Variants in BTBD8 observed in about 807,000 individuals in gnomAD.
BTBD8 encodes the protein BTB domain containing 8.
A neutral mutation model predicts 162.9 loss-of-function variants in BTBD8; 110 were observed. The ratio of observed to expected loss-of-function variants is 0.68; its 90% CI spans 0.58 to 0.79. BTBD8 has a LOEUF of 0.79. BTBD8 is among the 30% of genes least tolerant of loss of function. The pLI, the probability that BTBD8 is intolerant of heterozygous loss-of-function variation, is 0.00. For synonymous variants in BTBD8, 667 were observed against 716.1 expected, an observed-to-expected ratio of 0.93 and a Z score of 1.10; for missense variants, 1,905 against 2,085.4, an observed-to-expected ratio of 0.91 and a Z score of 1.68.
At chr1:92,166,356 C>T (rs556538248) in intron 9 of BTBD8, among the ~76,000 whole-genome samples, 2 of 151,606 alleles carry the variant, frequency 1.3e-5, no homozygotes, top group Admixed American at 1.3e-4. Context: ...TCTTAGGGAA[C>T]TCAAATTTTT....
chr1:92,106,955 C>G (rs577355639), intron 3 of BTBD8, among the ~76,000 whole-genome samples: 1 of 151,838 alleles, frequency 6.6e-6, no homozygotes, highest in East Asian at 2.0e-4. Context: ...ACACCTGTAG[C>G]CCCAGGTACT....
intron 10 of BTBD8, among the ~76,000 whole-genome samples, chr1:92,167,397 C>T (rs1231087321): frequency 1.3e-5 from 2 of 152,208 alleles, no homozygotes. Flanking sequence ...CTAGCCCTCC[C>T]TCAGCAAGCC....
intron 2 of BTBD8, among the ~76,000 whole-genome samples, chr1:92,098,413 A>G (rs532531202): frequency 6.6e-6 from 1 of 152,332 alleles, no homozygotes; most frequent in East Asian, 1.9e-4. Context: ...TTGTGGGAAC[A>G]TACATTTTCA....
chr1:92,107,072 C>CT (rs1648753079), intron 3 of BTBD8, among the ~76,000 whole-genome samples: 1 of 151,982 alleles, frequency 6.6e-6, no homozygotes, highest in Non-Finnish European at 1.5e-5. Context: ...GAGCAAGACT[C>CT]TGTCTCTAAA....
intron 3 of BTBD8, among the ~76,000 whole-genome samples, chr1:92,103,298 A>G (rs944929576): frequency 6.6e-6 from 1 of 152,216 alleles, no homozygotes; most frequent in Non-Finnish European, 1.5e-5. Context: ...TACTTACGTG[A>G]TTTATCCTGG....
rs1247112725 is a variant in BTBD8, at chr1:92,148,083, C to G, written c.1122+297C>G. Among the ~76,000 whole-genome samples, 34 of 152,050 alleles carry G rather than the reference C, an allele frequency of 2.2e-4. 1 individual carries two copies. Among genetic ancestry groups the G allele is most frequent in the Admixed American group, 2.2e-3 (34 of 15,256 alleles). Reference sequence around the variant, plus strand: ...TATGCGTTGGCTCAGCAGTATTGACCCACTCACCCAGGTGGATCTGGGTAC... The same window carrying G: ...TATGCGTTGGCTCAGCAGTATTGACGCACTCACCCAGGTGGATCTGGGTAC... On this transcript the variant is annotated intron_variant, in intron 9 of 17. Coordinates refer to ENST00000636805, the MANE Select transcript of BTBD8 (RefSeq NM_001376131.1).
chr1:92,125,521 T>G, intron 4 of BTBD8: 1 of 311,976 alleles, frequency 3.2e-6, no homozygotes, highest in Non-Finnish European at 6.3e-6. Context: ...AAGCAGGCAC[T>G]TGTACAGAAT....
intron 3 of BTBD8, among the ~76,000 whole-genome samples, chr1:92,105,775 C>G (rs1382149141): frequency 6.6e-6 from 1 of 152,222 alleles, no homozygotes; most frequent in African/African-American, 2.4e-5. Context: ...AGAAGAGGTT[C>G]AGAGAACTCT....
At chr1:92,115,173 G>T in intron 4 of BTBD8, 1 of 533,680 alleles carries the variant, frequency 1.9e-6, no homozygotes, top group East Asian at 4.8e-5. Context: ...GGCAGCACCA[G>T]TAGATAGATG....
intron 4 of BTBD8, chr1:92,115,317 G>T: frequency 2.2e-6 from 1 of 455,802 alleles, no homozygotes; most frequent in Non-Finnish European, 4.2e-6. Flanking sequence ...AGTTGTTATG[G>T]ATGATCTTGA....
intron 12 of BTBD8, among the ~76,000 whole-genome samples, chr1:92,169,543 C>T (rs780024699): frequency 3.3e-5 from 5 of 152,084 alleles, no homozygotes; most frequent in Non-Finnish European, 4.4e-5. Flanking sequence ...TAGCATTAAA[C>T]AAAAGATGTA....
At chr1:92,093,012 T>C (rs2101896162) in intron 2 of BTBD8, among the ~76,000 whole-genome samples, 1 of 152,240 alleles carries the variant, frequency 6.6e-6, no homozygotes, top group East Asian at 1.9e-4. Flanking sequence ...TTCTGTTTCA[T>C]GTGTGAAGCT....
rs1358676055 is a variant in BTBD8, at chr1:92,181,355, T to C, written c.3672T>C (p.His1224=). The change falls in exon 17 of 18, where the codon CAT becomes CAC. Residue 1224 remains histidine (H), a synonymous_variant. Coordinates refer to ENST00000636805, the MANE Select transcript of BTBD8 (RefSeq NM_001376131.1). Reference sequence around the variant, plus strand: ...AAACATCAGAATCTCCAGAGAGCCATGAAACTCCAGAAACTCCATTTGTGG... The same window carrying C: ...AAACATCAGAATCTCCAGAGAGCCACGAAACTCCAGAAACTCCATTTGTGG... The part of the protein sequence containing the change: ...NMETSESPES[H]ETPETPFVGH... The C allele has an allele frequency of 6.4e-7, 1 of 1,551,672 alleles. No individual in the cohort carries two copies. The highest frequency in any genetic ancestry group is 1.2e-5 in the South Asian group (1 of 84,064).
At chr1:92,101,499 C>T (rs1014516580) in intron 2 of BTBD8, among the ~76,000 whole-genome samples, 2 of 152,202 alleles carry the variant, frequency 1.3e-5, no homozygotes, top group Admixed American at 6.5e-5. Flanking sequence ...CACTGCCCCA[C>T]CAGGACCCGG....
intron 1 of BTBD8, among the ~76,000 whole-genome samples, chr1:92,081,646 T>C (rs1313371693): frequency 6.6e-6 from 1 of 152,198 alleles, no homozygotes; most frequent in Non-Finnish European, 1.5e-5. Context: ...CGATCTCGGC[T>C]CACTGCAACC....
At chr1:92,143,243 G>A (rs1428351932) in intron 7 of BTBD8, among the ~76,000 whole-genome samples, 4 of 152,076 alleles carry the variant, frequency 2.6e-5, no homozygotes, top group African/African-American at 9.7e-5. Context: ...GCCAGTTAAA[G>A]CTTATTTAAG....
intron 4 of BTBD8, among the ~76,000 whole-genome samples, chr1:92,119,126 C>T (rs1649123869): frequency 6.6e-6 from 1 of 151,652 alleles, no homozygotes; most frequent in Non-Finnish European, 1.5e-5. Context: ...TAAGGATACA[C>T]ACGAAATTTA....
In BTBD8 at chr1:92,182,570, A is replaced by G. The variant is rs1217209525; in HGVS notation, c.4887A>G (p.Glu1629=). 2 of 1,508,000 alleles carry G rather than the reference A, an allele frequency of 1.3e-6. No individual in the cohort carries two copies. The highest frequency in any genetic ancestry group is 2.5e-5 in the East Asian group (1 of 40,494). 93.4% of individuals were successfully genotyped at this position (1,508,000 alleles called of 1,614,324 possible). A position where few individuals can be genotyped will look rare whatever the true frequency, so the allele number is the denominator to read the frequency against. The change falls in exon 17 of 18, where the codon GAA becomes GAG. Residue 1629 remains glutamate, a synonymous_variant. Coordinates refer to ENST00000636805, the MANE Select transcript of BTBD8 (RefSeq NM_001376131.1). ...PVKESHSTTT[E]KANIALSAGD... ...AAGAGAGCCATTCTACAACTACTGA[A>G]AAAGCTAATATTGCTTTATCTGCAG...
intron 13 of BTBD8, among the ~76,000 whole-genome samples, chr1:92,175,665 A>G (rs997521621): frequency 6.7e-6 from 1 of 149,674 alleles, no homozygotes; most frequent in African/African-American, 2.5e-5. Context: ...GTGTGGTGGC[A>G]TGTGCCTATA....
Sources: gnomAD v4.1 joint callset for allele counts (sites outside exome capture counted in the v4.1 genomes callset) on GRCh38, gnomAD v4.1.1 for gene constraint, MANE v1.5 for transcripts, NCBI Gene and HGNC (gene_info 2026-07-23, HGNC 2026-07-21) for gene names.